Variants in PIGN observed in about 807,000 individuals in gnomAD.
PIGN encodes GPI ethanolamine phosphate transferase 1.
PIGN carries 117 observed loss-of-function variants against 125.4 expected under a neutral mutation model. The ratio of observed to expected loss-of-function variants is 0.93; its 90% confidence interval spans 0.80 to 1.09. The LOEUF is 1.09. Among genes scored for constraint, PIGN ranks in the 50% least tolerant of loss-of-function variants. PIGN has a pLI of 0.00. For synonymous variants in PIGN, 392 were observed against 377.8 expected (o/e 1.04, Z -0.44); for missense variants, 1,075 against 1,094.9 (o/e 0.98, Z 0.26).
Position 62,174,831 on chromosome 18 carries a change from T to C in PIGN, c.-235-11175A>G, listed in dbSNP as rs553795782. Among the ~76,000 whole-genome samples, 45 of 151,496 alleles carry C rather than the reference T, an allele frequency of 3.0e-4. No homozygotes were observed. In the East Asian group the frequency reaches 8.4e-3, roughly 28 times the overall value. ...ACAGAAAAATGAATGTCCTATACAA[T>C]TACTTAGTTCCTATAAAAATCATGG... On this transcript the variant is annotated intron_variant, in intron 1 of 30. Transcript: ENST00000640252.
At chr18:62,096,993 C>T (rs527901353) in intron 22 of PIGN, among the ~76,000 whole-genome samples, 5 of 151,874 alleles carry the variant, frequency 3.3e-5, no homozygotes, top group African/African-American at 1.2e-4. Flanking sequence ...AATAAACATA[C>T]GTGTGCATGT....
chr18:62,102,409 C>T (rs1381356209), intron 21 of PIGN, among the ~76,000 whole-genome samples: 1 of 150,838 alleles, frequency 6.6e-6, no homozygotes, highest in East Asian at 1.9e-4. Flanking sequence ...GGGACATTAA[C>T]TGAAGTCTTA....
chr18:62,169,227 C>G (rs1448244099), intron 1 of PIGN, among the ~76,000 whole-genome samples: 1 of 152,182 alleles, frequency 6.6e-6, no homozygotes, highest in African/African-American at 2.4e-5. Flanking sequence ...ATCATGTACT[C>G]TCTTCCATCT....
At chr18:62,148,722 T>C (rs1184029924) in intron 7 of PIGN, among the ~76,000 whole-genome samples, 1 of 152,148 alleles carries the variant, frequency 6.6e-6, no homozygotes, top group African/African-American at 2.4e-5. Flanking sequence ...TTTTTTTAAA[T>C]ATTTCAGAAC....
chr18:62,044,928 A>T lies in PIGN; in HGVS notation c.*928T>A, dbSNP rs912831619. ...AATGGAAATCTAATTTGATGATTTT[A>T]GGCCTTTGTGCTAGAATCTCACAAC... is the stretch of plus-strand genomic sequence containing the variant. On this transcript the variant is annotated 3_prime_UTR_variant, in exon 31 of 31. Coordinates refer to ENST00000640252, the MANE Select transcript of PIGN (RefSeq NM_176787.5). The T allele has an allele frequency of 1.3e-5, 2 of 152,196 alleles. No individual in the cohort carries two copies. Among genetic ancestry groups the T allele is most frequent in the Non-Finnish European group, 2.9e-5 (2 of 68,032 alleles). 9.4% of individuals were successfully genotyped at this position (152,196 alleles called of 1,614,324 possible). A position where few individuals can be genotyped will look rare whatever the true frequency, so the allele number is the denominator to read the frequency against.
intron 23 of PIGN, among the ~76,000 whole-genome samples, chr18:62,032,024 T>C (rs1472463291): frequency 6.6e-6 from 1 of 152,226 alleles, no homozygotes. Context: ...TGCATCACTC[T>C]CAGCCTCCAG....
intron 14 of PIGN, among the ~76,000 whole-genome samples, chr18:62,119,843 C>CA (rs112645000): frequency 1.5e-4 from 20 of 129,658 alleles, no homozygotes; most frequent in African/African-American, 3.0e-4. Flanking sequence ...GACTCTGTCT[C>CA]AAAAAAAAAA....
chr18:62,120,882 C>T (rs1416157813), intron 14 of PIGN, among the ~76,000 whole-genome samples: 1 of 151,594 alleles, frequency 6.6e-6, no homozygotes, highest in East Asian at 1.9e-4. Flanking sequence ...TCCGAAAACA[C>T]CAACTAAAAG....
At chr18:62,035,024 T>C (rs962934310) in intron 23 of PIGN, among the ~76,000 whole-genome samples, 1 of 152,100 alleles carries the variant, frequency 6.6e-6, no homozygotes, top group East Asian at 1.9e-4. Flanking sequence ...AATTAAACCA[T>C]GGGGGTGGGT....
chr18:62,082,896 TG>T, intron 27 of PIGN, 150 bp from the exon 28 acceptor site: 1 of 561,660 alleles, frequency 1.8e-6, no homozygotes, highest in South Asian at 2.6e-5. Context: ...AATAAAAGCA[TG>T]ATACCAATGG....
intron 1 of PIGN, chr18:62,174,356 C>T (rs2037446934): frequency 6.6e-6 from 1 of 152,290 alleles, no homozygotes; most frequent in Non-Finnish European, 1.5e-5. Context: ...GACACACTCC[C>T]ATTCACTTCT....
intron 30 of PIGN, among the ~76,000 whole-genome samples, chr18:62,053,749 C>G (rs1016551414): frequency 2.6e-5 from 4 of 152,146 alleles, no homozygotes; most frequent in Non-Finnish European, 4.4e-5. Flanking sequence ...TATCAAACAA[C>G]AAGATTTAAT....
chr18:62,149,178 T>C (rs998111012), intron 7 of PIGN, among the ~76,000 whole-genome samples: 3 of 152,082 alleles, frequency 2.0e-5, no homozygotes, highest in African/African-American at 7.2e-5. Flanking sequence ...AAGTCTGAAG[T>C]ATTTAAGTAT....
In PIGN at chr18:62,044,829, T is replaced by C. The variant is rs2030546982; in HGVS notation, c.*1027A>G. On this transcript the variant is annotated 3_prime_UTR_variant, in exon 31 of 31. Transcript: ENST00000640252. ...GCAAAAGGCCAACTCTGCAGGGATA[T>C]GTAAAGGTCATTTTATGGATAATCC... 1 of 152,208 alleles carries C rather than the reference T, an allele frequency of 6.6e-6. No individual in the cohort carries two copies. Among genetic ancestry groups the C allele is most frequent in the African/African-American group, 2.4e-5 (1 of 41,448 alleles). 9.4% of individuals were successfully genotyped at this position (152,208 alleles called of 1,614,324 possible). A position where few individuals can be genotyped will look rare whatever the true frequency, so the allele number is the denominator to read the frequency against.
chr18:62,126,487 G>A (rs2035540018), intron 14 of PIGN, among the ~76,000 whole-genome samples: 1 of 152,112 alleles, frequency 6.6e-6, no homozygotes, highest in South Asian at 2.1e-4. Flanking sequence ...TCACTGTAAT[G>A]AAATGCTTAT....
intron 1 of PIGN, among the ~76,000 whole-genome samples, chr18:62,168,222 C>T (rs2037224257): frequency 6.6e-6 from 1 of 151,938 alleles, no homozygotes; most frequent in South Asian, 2.1e-4. Context: ...AATTTACCAA[C>T]TTTTCTTTCT....
intron 14 of PIGN, chr18:62,136,788 G>A (rs753841994): frequency 1.5e-5 from 5 of 332,206 alleles, no homozygotes; most frequent in Non-Finnish European, 2.7e-5. Flanking sequence ...CTTGCTAATT[G>A]AATGTGAACC....
At position 62,146,030 on chromosome 18, in the gene PIGN, A is replaced by C. The variant is rs1267001717; in HGVS notation, c.806-5T>G. 3.8e-6 allele frequency: 5 copies of C among 1,318,220 alleles called. No homozygotes were observed. The South Asian group carries it at 5.2e-5, about 14-fold the overall frequency. The allele number at this position is 1,318,220 out of a possible 1,614,324, so 81.7% of individuals were successfully genotyped here. ...GATGACCAGCCCCATGGGAACCTAC[A>C]AATAAGATATAAAGAATAATAAGAC... On this transcript the variant is annotated splice_polypyrimidine_tract_variant and splice_region_variant and intron_variant, in intron 9 of 30. Transcript: ENST00000640252.
rs2030417313 is a variant in PIGN at position 62,042,515 on chromosome 18, C to A, written c.*3341G>T. ...TGTACCCAAGGAAATGAATAAGAGA[C>A]ACATCTCAAAGGTTCTTTTTGTTTC... On this transcript the variant is annotated 3_prime_UTR_variant, in exon 31 of 31. Transcript: ENST00000640252. The A allele has an allele frequency of 6.6e-6, 1 of 152,090 alleles. No individual in the cohort carries two copies. The highest frequency in any genetic ancestry group is 2.4e-5 in the African/African-American group (1 of 41,404). The allele number at this position is 152,090 out of a possible 1,614,324, so 9.4% of individuals were successfully genotyped here.
Sources: allele counts gnomAD v4.1 joint callset (sites outside exome capture counted in the v4.1 genomes callset), GRCh38; gene constraint gnomAD v4.1.1; transcripts MANE v1.5; gene names NCBI Gene and HGNC (gene_info 2026-07-23, HGNC 2026-07-21).